Variants in DSCAM observed in about 807,000 individuals in gnomAD.
The protein encoded by DSCAM is cell adhesion molecule DSCAM.
In DSCAM, 47 loss-of-function variants were observed where a neutral mutation model predicts 217.7. The ratio of observed to expected loss-of-function variants is 0.22; its 90% CI spans 0.17 to 0.28. The LOEUF is 0.28. Ranked by LOEUF, DSCAM falls within the 10% of genes least tolerant of loss-of-function variation. DSCAM has a pLI of 1.00. For missense variants in DSCAM, 2,080 were observed against 2,618.3 expected, an observed-to-expected ratio of 0.79 and a Z score of 4.49; for synonymous variants, 1,056 against 1,015.3, an observed-to-expected ratio of 1.04 and a Z score of -0.76.
intron 9 of DSCAM, among the ~76,000 whole-genome samples, chr21:40,306,200 A>G (rs1016228471): frequency 6.8e-6 from 1 of 147,550 alleles, no homozygotes; most frequent in Non-Finnish European, 1.5e-5. Flanking sequence ...TTCTCTTTGA[A>G]GCAATTGTGA....
At chr21:40,556,001 C>A (rs1268160700) in intron 3 of DSCAM, among the ~76,000 whole-genome samples, 1 of 152,046 alleles carries the variant, frequency 6.6e-6, no homozygotes, top group East Asian at 1.9e-4. Context: ...TTAGAAGATA[C>A]TGTTAAATGT....
intron 3 of DSCAM, among the ~76,000 whole-genome samples, chr21:40,408,490 A>G (rs979540317): frequency 3.9e-5 from 6 of 152,152 alleles, no homozygotes; most frequent in African/African-American, 1.4e-4. Flanking sequence ...TGGGCATCAC[A>G]TTCAGTTTGG....
At position 40,036,003 on chromosome 21, in the gene DSCAM, C is replaced by A. The variant is rs202009032; in HGVS notation, c.5686+6368G>T. ...ACACAACATACCAGAATCTCTGGGA[C>A]GCATTCAAAGCAGTGTATAGAGGGA... On this transcript the variant is annotated intron_variant, in intron 32 of 32. Coordinates refer to ENST00000400454, the MANE Select transcript of DSCAM (RefSeq NM_001389.5). Among the ~76,000 whole-genome samples, 155 of 139,178 alleles carry A rather than the reference C, an allele frequency of 1.1e-3. 8 individuals are homozygous for A. Among genetic ancestry groups the A allele is most frequent in the African/African-American group, 2.7e-3 (92 of 34,708 alleles). 91.3% of individuals were successfully genotyped at this position (139,178 alleles called of 152,430 possible).
intron 3 of DSCAM, among the ~76,000 whole-genome samples, chr21:40,674,669 G>C (rs1390351120): frequency 1.0e-5 from 1 of 100,092 alleles, no homozygotes; most frequent in African/African-American, 4.0e-5. Context: ...GTCTCGCTTT[G>C]TCTCCCAGGC....
intron 15 of DSCAM, among the ~76,000 whole-genome samples, chr21:40,174,051 A>C (rs2090690285): frequency 6.6e-6 from 1 of 152,158 alleles, no homozygotes; most frequent in Admixed American, 6.5e-5. Flanking sequence ...TTAGCTGTGA[A>C]TGTCATGTGT....
chr21:40,730,191 G>A (rs1480490357), intron 1 of DSCAM, among the ~76,000 whole-genome samples: 2 of 152,148 alleles, frequency 1.3e-5, no homozygotes, highest in South Asian at 2.1e-4. Flanking sequence ...ATAAAATAGA[G>A]TCCATTATTC....
At chr21:40,562,655 G>C (rs2076729548) in intron 3 of DSCAM, among the ~76,000 whole-genome samples, 1 of 152,196 alleles carries the variant, frequency 6.6e-6, no homozygotes, top group African/African-American at 2.4e-5. Flanking sequence ...GAGATTGAGT[G>C]AGCAATTGAA....
At chr21:40,841,193 T>C (rs2092098233) in intron 1 of DSCAM, among the ~76,000 whole-genome samples, 2 of 152,138 alleles carry the variant, frequency 1.3e-5, no homozygotes. Context: ...CTTCTGAACG[T>C]CCTGGTCAGA....
chr21:40,638,966 A>G (rs991101111), intron 3 of DSCAM, among the ~76,000 whole-genome samples: 4 of 152,148 alleles, frequency 2.6e-5, no homozygotes, highest in African/African-American at 9.7e-5. Context: ...AATGATATCA[A>G]CATTCTCAAG....
chr21:40,549,760 T>C (rs1366793376), intron 3 of DSCAM, among the ~76,000 whole-genome samples: 1 of 152,168 alleles, frequency 6.6e-6, no homozygotes, highest in African/African-American at 2.4e-5. Context: ...AAACCCCAGC[T>C]AAGCTAACAG....
At chr21:40,362,085 C>T (rs1211931923) in intron 4 of DSCAM, among the ~76,000 whole-genome samples, 1 of 152,068 alleles carries the variant, frequency 6.6e-6, no homozygotes, top group Non-Finnish European at 1.5e-5. Context: ...ATCCATGTCC[C>T]TACAAAGGAC....
At chr21:40,052,295 G>C (rs988650898) in intron 29 of DSCAM, among the ~76,000 whole-genome samples, 188 bp from the exon 30 acceptor site, 1 of 152,232 alleles carries the variant, frequency 6.6e-6, no homozygotes, top group Non-Finnish European at 1.5e-5. Context: ...GCTAGGAATA[G>C]AAGCTTCTTC....
In DSCAM at chr21:40,359,877, C is replaced by T. The variant is rs141730499; in HGVS notation, c.656-6134G>A. Among the ~76,000 whole-genome samples, 288 of 152,178 alleles carry T rather than the reference C, an allele frequency of 1.9e-3. 3 individuals carry two copies. The Middle Eastern group carries it at 0.024, about 13-fold the overall frequency. On this transcript the variant is annotated intron_variant, in intron 4 of 32. Coordinates refer to ENST00000400454, the MANE Select transcript of DSCAM (RefSeq NM_001389.5). Reference sequence around the variant, plus strand: ...AAATTAAATTGGCGTAATTGTGGCACGACTCCATGCATTTACTAAAATTAT... The same window carrying T: ...AAATTAAATTGGCGTAATTGTGGCATGACTCCATGCATTTACTAAAATTAT...
chr21:40,425,410 G>T (rs550802253), intron 3 of DSCAM, among the ~76,000 whole-genome samples: 7 of 152,080 alleles, frequency 4.6e-5, no homozygotes, highest in Admixed American at 4.6e-4. Flanking sequence ...TTTGGTTGAC[G>T]AGTTAACGGG....
At chr21:40,431,224 C>T (rs962777247) in intron 3 of DSCAM, among the ~76,000 whole-genome samples, 1 of 152,182 alleles carries the variant, frequency 6.6e-6, no homozygotes, top group African/African-American at 2.4e-5. Flanking sequence ...CCTGAACAAC[C>T]CAAGTTTCTG....
In DSCAM at chr21:40,403,629, G is replaced by GCGCACACACA. The variant is rs374617687; in HGVS notation, c.509-34385_509-34384insTGTGTGTGCG. 1.1e-3 allele frequency among the ~76,000 whole-genome samples: 159 copies of GCGCACACACA among 145,888 alleles called. 1 individual carries two copies. The highest frequency in any genetic ancestry group is 3.6e-3 in the African/African-American group (141 of 39,154). On this transcript the variant is annotated intron_variant, in intron 3 of 32. Coordinates refer to ENST00000400454, the MANE Select transcript of DSCAM (RefSeq NM_001389.5). ...CATACATGTATGCAAGCATGCATGTGCACACACACACACACACACACACAC... is the reference window on the plus strand; with the variant it reads ...CATACATGTATGCAAGCATGCATGTGCGCACACACACACACACACACACACACACACACAC...
rs2088050713 is a variant in DSCAM, at chr21:40,011,149, A to C, written c.*1885T>G. ...AAGTAACATTTCTTTTGCATAAAAA[A>C]AAAACAGTCTGAGAGTATGCAAACA... On this transcript the variant is annotated 3_prime_UTR_variant, in exon 33 of 33. Transcript: ENST00000400454. 1.3e-5 allele frequency: 2 copies of C among 152,216 alleles called. No homozygotes were observed. Among genetic ancestry groups the C allele is most frequent in the Admixed American group, 6.5e-5 (1 of 15,282 alleles). The allele number at this position is 152,216 out of a possible 1,614,324, so 9.4% of individuals were successfully genotyped here.
At chr21:40,548,448 C>T (rs1386285542) in intron 3 of DSCAM, among the ~76,000 whole-genome samples, 4 of 151,712 alleles carry the variant, frequency 2.6e-5, no homozygotes, top group African/African-American at 9.7e-5. Flanking sequence ...TGGTAATGAC[C>T]CGTGAGCAAT....
Position 40,093,861 on chromosome 21 carries a change from A to G in DSCAM, c.3710T>C (p.Phe1237Ser). 4 of 1,613,812 alleles carry G rather than the reference A, an allele frequency of 2.5e-6. No homozygotes were observed. The highest frequency in any genetic ancestry group is 2.5e-6 in the Non-Finnish European group (3 of 1,179,926). The change falls in exon 21 of 33, where the codon TTT becomes TCT. Residue 1237 changes from phenylalanine to serine, a missense_variant. Physicochemically the swap from Phe to Ser is radical, Grantham distance 155. This residue lies in a region of DSCAM where 1,144 missense variants were observed against 1,421.1 expected (regional missense o/e 0.81). Transcript: ENST00000400454. ...SHPYPTVISE[F>S]EASPDSFSYR... ...GGAAAACGAGTCGGGAGAGGCCTCAAACTCGCTGATCACCTGTAAAAAGAG... is the reference window on the plus strand; with the variant it reads ...GGAAAACGAGTCGGGAGAGGCCTCAGACTCGCTGATCACCTGTAAAAAGAG...
Sources: allele counts gnomAD v4.1 joint callset (sites outside exome capture counted in the v4.1 genomes callset), GRCh38; gene constraint gnomAD v4.1.1; regional missense constraint gnomAD v4.1.1; transcripts MANE v1.5; gene names NCBI Gene and HGNC (gene_info 2026-07-23, HGNC 2026-07-21).